Variants in CRACD observed in about 807,000 individuals in gnomAD.
CRACD encodes the protein capping protein inhibiting regulator of actin dynamics.
A neutral mutation model predicts 106.8 loss-of-function variants in CRACD; 56 were observed. That is an observed-to-expected ratio of 0.52 (90% CI 0.42 to 0.66). The LOEUF (loss-of-function observed/expected upper bound fraction) is 0.66, where lower values mean the gene tolerates loss of function less well. CRACD is among the 30% of genes least tolerant of loss of function. The pLI, the probability that CRACD is intolerant of heterozygous loss-of-function variation, is 0.00. For synonymous variants in CRACD, 754 were observed against 670.8 expected (o/e 1.12, Z -1.92); for missense variants, 1,730 against 1,623.2 (o/e 1.07, Z -1.13).
At chr4:56,286,505 G>A (rs1484223195) in intron 3 of CRACD, among the ~76,000 whole-genome samples, 9 of 119,858 alleles carry the variant, frequency 7.5e-5, no homozygotes, top group African/African-American at 2.2e-4. Context: ...CAGCCTGGGC[G>A]ACAGAGCGAG....
At chr4:56,108,597 C>T (rs1289383696) in intron 1 of CRACD, among the ~76,000 whole-genome samples, 3 of 151,920 alleles carry the variant, frequency 2.0e-5, no homozygotes, top group East Asian at 1.9e-4. Context: ...ACGTGGAGAC[C>T]GGTAGTGGCC....
intron 10 of CRACD, among the ~76,000 whole-genome samples, chr4:56,326,729 T>TGG (rs576699787): frequency 1.1e-3 from 158 of 146,668 alleles, no homozygotes; most frequent in African/African-American, 3.9e-3. Context: ...GATGCTTTTG[T>TGG]GGGGACGGTA....
At chr4:56,102,945 T>G (rs906685629) in intron 1 of CRACD, among the ~76,000 whole-genome samples, 4 of 152,216 alleles carry the variant, frequency 2.6e-5, no homozygotes, top group African/African-American at 9.6e-5. Context: ...TACTTTGTGC[T>G]CATAAAGCCT....
chr4:56,056,011 G>C (rs991560933), intron 1 of CRACD, among the ~76,000 whole-genome samples: 7 of 152,136 alleles, frequency 4.6e-5, no homozygotes, highest in Non-Finnish European at 7.4e-5. Flanking sequence ...AAGATAACAT[G>C]GTTATCAAAT....
chr4:56,074,062 A>G (rs763191998), intron 1 of CRACD, among the ~76,000 whole-genome samples: 8 of 151,502 alleles, frequency 5.3e-5, no homozygotes, highest in East Asian at 1.9e-4. Flanking sequence ...ATTGGTCTAT[A>G]TATCTGTTTT....
chr4:56,258,380 T>A (rs1046746871), intron 2 of CRACD, among the ~76,000 whole-genome samples: 1 of 152,048 alleles, frequency 6.6e-6, no homozygotes, highest in South Asian at 2.1e-4. Context: ...CTAAAATGTA[T>A]AAAATCAAGC....
intron 1 of CRACD, among the ~76,000 whole-genome samples, chr4:56,127,867 C>T (rs552046484): frequency 6.6e-6 from 1 of 152,314 alleles, no homozygotes; most frequent in Admixed American, 6.5e-5. Flanking sequence ...CTCGGCCTTG[C>T]TCCAGAAAGC....
chr4:56,321,089 A>G (rs1328158591), intron 8 of CRACD: 1 of 172,520 alleles, frequency 5.8e-6, no homozygotes, highest in Non-Finnish European at 1.3e-5. Context: ...AATTTTGCCA[A>G]ATACAACATC....
rs563317263 is a variant in CRACD, at chr4:56,322,962, G to C, written c.3188-415G>C. Among the ~76,000 whole-genome samples the C allele has an allele frequency of 6.6e-5, 10 of 152,316 alleles. No homozygotes were observed. In the South Asian group the frequency reaches 2.1e-3, roughly 32 times the overall value. On this transcript the variant is annotated intron_variant, in intron 8 of 10. Transcript: ENST00000682029. Reference sequence around the variant, plus strand: ...GAGAATTGCCTGAACCCAGGAGGCAGAGGTTGCAATGTGCCGAGATTGCAC... The same window carrying C: ...GAGAATTGCCTGAACCCAGGAGGCACAGGTTGCAATGTGCCGAGATTGCAC...
intron 2 of CRACD, among the ~76,000 whole-genome samples, chr4:56,208,056 T>C (rs1738217973): frequency 6.6e-6 from 1 of 151,572 alleles, no homozygotes; most frequent in African/African-American, 2.4e-5. Flanking sequence ...TCAAGCAATA[T>C]TCCTGCCTCG....
At chr4:56,081,820 A>G (rs1403331019) in intron 1 of CRACD, among the ~76,000 whole-genome samples, 1 of 152,088 alleles carries the variant, frequency 6.6e-6, no homozygotes, top group African/African-American at 2.4e-5. Flanking sequence ...TACTAAAAAT[A>G]CAAAAATTAG....
At chr4:56,180,166 G>A (rs1468053007) in intron 2 of CRACD, among the ~76,000 whole-genome samples, 4 of 152,066 alleles carry the variant, frequency 2.6e-5, no homozygotes, top group East Asian at 1.9e-4. Context: ...CTGGGAGTGG[G>A]AGGCATTCCT....
intron 1 of CRACD, among the ~76,000 whole-genome samples, chr4:56,165,206 A>T (rs1280185380): frequency 6.6e-6 from 1 of 151,672 alleles, no homozygotes; most frequent in East Asian, 1.9e-4. Context: ...TTTAGCAGAC[A>T]CATTACTGCC....
chr4:56,280,190 GT>G (rs1560515479), intron 3 of CRACD, among the ~76,000 whole-genome samples: 2 of 151,524 alleles, frequency 1.3e-5, no homozygotes, highest in Non-Finnish European at 2.9e-5. Context: ...TATACCTAAT[GT>G]TAAATGACGA....
At position 56,203,502 on chromosome 4, in the gene CRACD, T is replaced by G. The variant is rs1490624398; in HGVS notation, c.-189+24072T>G. Reference sequence around the variant, plus strand: ...CATCAGTCCATAGATTACAGGCAGGTCTGGGCAGTAGCTTCTTGAGGTTCC... The same window carrying G: ...CATCAGTCCATAGATTACAGGCAGGGCTGGGCAGTAGCTTCTTGAGGTTCC... On this transcript the variant is annotated intron_variant, in intron 2 of 10. Transcript: ENST00000682029. Among the ~76,000 whole-genome samples, 4 of 152,266 alleles carry G rather than the reference T, an allele frequency of 2.6e-5. No individual in the cohort carries two copies. In the East Asian group the frequency reaches 7.7e-4, roughly 29 times the overall value.
chr4:56,316,308 C>T lies in CRACD; in HGVS notation c.2806C>T (p.Pro936Ser). ...CTCTGTTCCTGTGGCCCACCCTGGG[C>T]CTCCACCGGCCAGCAGCCAGACCCC... is the stretch of plus-strand genomic sequence containing the variant. ...SRSVPVAHPG[P>S]PPASSQTPAP... is the part of the protein sequence containing the mutation. Residue 936 changes from proline to serine, a missense_variant, in exon 8 of 11, where the codon CCT becomes TCT. Around this residue, in one of 5 missense-constraint regions of CRACD, gnomAD observed 1,620 missense variants for 1,481.6 expected, o/e 1.09. Transcript: ENST00000682029. 6.2e-7 allele frequency: 1 copy of T among 1,614,010 alleles called. No homozygotes were observed. The highest frequency in any genetic ancestry group is 8.5e-7 in the Non-Finnish European group (1 of 1,179,894).
At chr4:56,214,681 C>CTCTCTATATATATATATATATATATATA in intron 2 of CRACD, among the ~76,000 whole-genome samples, 2 of 80,968 alleles carry the variant, frequency 2.5e-5, no homozygotes, top group African/African-American at 8.5e-5. Flanking sequence ...CTCTCTCTCT[C>CTCTCTATATATATATATATATATATATA]TATATATATA....
intron 2 of CRACD, among the ~76,000 whole-genome samples, chr4:56,225,390 G>A (rs1459106792): frequency 6.6e-6 from 1 of 152,288 alleles, no homozygotes; most frequent in African/African-American, 2.4e-5. Context: ...CACCATGCCA[G>A]CCTCAACATG....
intron 2 of CRACD, among the ~76,000 whole-genome samples, chr4:56,221,838 C>T (rs1361838407): frequency 2.6e-5 from 4 of 152,114 alleles, no homozygotes; most frequent in Admixed American, 2.6e-4. Flanking sequence ...CAGTTCACCA[C>T]CTACTACCTT....
Sources: gnomAD v4.1 joint callset for allele counts (sites outside exome capture counted in the v4.1 genomes callset) on GRCh38, gnomAD v4.1.1 for gene constraint, gnomAD v4.1.1 regional missense constraint, MANE v1.5 for transcripts, NCBI Gene and HGNC (gene_info 2026-07-23, HGNC 2026-07-21) for gene names.